Variants in KCNS3 observed in about 807,000 individuals in gnomAD.
KCNS3 encodes delayed-rectifier potassium channel regulatory subunit KCNS3.
Under a neutral mutation model 31.0 loss-of-function variants are expected in KCNS3, and 13 were observed. The observed-to-expected ratio is 0.42, with a 90% CI of 0.27 to 0.67. The LOEUF is 0.67. Ranked by LOEUF, KCNS3 falls within the 30% of genes least tolerant of loss-of-function variation. The pLI, the probability that KCNS3 is intolerant of heterozygous loss-of-function variation, is 0.25. For synonymous variants in KCNS3, 238 were observed against 241.5 expected (o/e 0.99, Z 0.13); for missense variants, 545 against 622.4 (o/e 0.88, Z 1.32).
intron 1 of KCNS3, among the ~76,000 whole-genome samples, chr2:17,888,665 AT>A (rs1661763567): frequency 7.3e-6 from 1 of 137,182 alleles, no homozygotes; most frequent in Non-Finnish European, 1.6e-5. Flanking sequence ...ATATATATAT[AT>A]ATATATAAAG....
intron 2 of KCNS3, among the ~76,000 whole-genome samples, chr2:17,923,889 A>G (rs1024200479): frequency 6.6e-6 from 1 of 151,928 alleles, no homozygotes; most frequent in African/African-American, 2.4e-5. Context: ...CAATTTGTCA[A>G]TTTCTGAAAA....
At chr2:17,920,055 G>A (rs1037188292) in intron 2 of KCNS3, among the ~76,000 whole-genome samples, 1 of 152,092 alleles carries the variant, frequency 6.6e-6, no homozygotes, top group Non-Finnish European at 1.5e-5. Flanking sequence ...AAATCAAAAT[G>A]AGCTTTCTTT....
intron 1 of KCNS3, among the ~76,000 whole-genome samples, chr2:17,882,803 G>T (rs754167761): frequency 6.6e-6 from 1 of 152,078 alleles, no homozygotes; most frequent in Non-Finnish European, 1.5e-5. Flanking sequence ...TTTCATCCCT[G>T]TTTTTCTTTA....
chr2:17,885,452 G>T (rs1335110577), intron 1 of KCNS3, among the ~76,000 whole-genome samples: 1 of 152,230 alleles, frequency 6.6e-6, no homozygotes, highest in Non-Finnish European at 1.5e-5. Flanking sequence ...TGTAGAAAGA[G>T]ATTTATTCTA....
At chr2:17,898,373 G>A (rs1049494418) in intron 1 of KCNS3, among the ~76,000 whole-genome samples, 2 of 150,972 alleles carry the variant, frequency 1.3e-5, no homozygotes, top group African/African-American at 4.9e-5. Flanking sequence ...GAATAGCATT[G>A]AATCTATCTG....
chr2:17,889,878 G>A (rs753403470), intron 1 of KCNS3, among the ~76,000 whole-genome samples: 28 of 152,094 alleles, frequency 1.8e-4, no homozygotes, highest in Non-Finnish European at 2.6e-4. Context: ...ATATCGGTCT[G>A]TAGTTTTCTT....
chr2:17,919,989 T>A (rs910132866), intron 2 of KCNS3, among the ~76,000 whole-genome samples: 1 of 152,168 alleles, frequency 6.6e-6, no homozygotes, highest in Non-Finnish European at 1.5e-5. Flanking sequence ...TTCCATTTTG[T>A]ATATCCCCAC....
intron 1 of KCNS3, among the ~76,000 whole-genome samples, chr2:17,891,476 G>A (rs1379668912): frequency 1.3e-5 from 2 of 152,072 alleles, no homozygotes; most frequent in East Asian, 3.9e-4. Flanking sequence ...TTTTTTGTTT[G>A]TTTGTTTGTT....
At chr2:17,915,040 C>A (rs995033186) in intron 1 of KCNS3, among the ~76,000 whole-genome samples, 2 of 152,190 alleles carry the variant, frequency 1.3e-5, no homozygotes, top group African/African-American at 4.8e-5. Flanking sequence ...CAATATGCCA[C>A]TTAGTCATTA....
At chr2:17,884,932 GTTTTTTT>G (rs55738585) in intron 1 of KCNS3, among the ~76,000 whole-genome samples, 1 of 128,004 alleles carries the variant, frequency 7.8e-6, no homozygotes, top group African/African-American at 2.9e-5. Context: ...CTTCCCTGTT[GTTTTTTT>G]TTTTTTTTTT....
intron 1 of KCNS3, among the ~76,000 whole-genome samples, chr2:17,916,753 C>T (rs1459955440): frequency 6.6e-6 from 1 of 151,790 alleles, no homozygotes; most frequent in African/African-American, 2.4e-5. Flanking sequence ...TTTATAATCC[C>T]AGTGCCTAAG....
intron 1 of KCNS3, among the ~76,000 whole-genome samples, chr2:17,892,405 TA>T (rs1661881701): frequency 6.6e-6 from 1 of 152,200 alleles, no homozygotes; most frequent in South Asian, 2.1e-4. Flanking sequence ...TTTAGCTTAA[TA>T]ACTAACTTCC....
intron 1 of KCNS3, among the ~76,000 whole-genome samples, chr2:17,904,842 A>G (rs985602179): frequency 2.0e-5 from 3 of 152,134 alleles, no homozygotes; most frequent in South Asian, 2.1e-4. Flanking sequence ...TACCAGTACC[A>G]TGCTGTTTTG....
In KCNS3 at chr2:17,896,974, T is replaced by TG. The variant is rs1662043539; in HGVS notation, c.-252+18169dup. On this transcript the variant is annotated intron_variant, in intron 1 of 2. Transcript: ENST00000304101. ...TTGCTTGATGCTGAGGTTTGGGGTA[T>TG]GATGGGACCAGTTACCCAGGTAGTG... 2.6e-5 allele frequency among the ~76,000 whole-genome samples: 4 copies of TG among 152,304 alleles called. No homozygotes were observed. In the South Asian group the frequency reaches 8.3e-4, roughly 32 times the overall value.
chr2:17,932,351 T>G lies in KCNS3; in HGVS notation c.1343T>G (p.Met448Arg). 1 of 1,614,126 alleles carries G rather than the reference T, an allele frequency of 6.2e-7. No homozygotes were observed. The highest frequency in any genetic ancestry group is 8.5e-7 in the Non-Finnish European group (1 of 1,179,994). ...FNIRDIYAQR[M>R]HTFITSLSSV... ...ATTAGGGATATATATGCACAGCGGA[T>G]GCACACCTTCATTACCAGTCTCTCT... Residue 448 changes from methionine to arginine, a missense_variant, in exon 3 of 3, where the codon ATG becomes AGG. By Grantham distance (91) the Met-to-Arg change is moderately conservative (BLOSUM62 -1). Coordinates refer to ENST00000304101, the MANE Select transcript of KCNS3 (RefSeq NM_002252.5).
At chr2:17,907,001 T>A (rs2125243287) in intron 1 of KCNS3, among the ~76,000 whole-genome samples, 1 of 152,338 alleles carries the variant, frequency 6.6e-6, no homozygotes, top group African/African-American at 2.4e-5. Flanking sequence ...TGAGTTCAAT[T>A]CCTGGATATC....
Position 17,932,229 on chromosome 2 carries a change from C to T in KCNS3, c.1221C>T (p.Asn407=), listed in dbSNP as rs952440137. ...VVALPITIIF[N]KFSKYYQKQK... ...CCCTTCCCATCACCATCATCTTCAACAAGTTTTCCAAGTACTACCAGAAGC... is the reference window on the plus strand; with the variant it reads ...CCCTTCCCATCACCATCATCTTCAATAAGTTTTCCAAGTACTACCAGAAGC... Residue 407 remains asparagine, a synonymous_variant, in exon 3 of 3, where the codon AAC becomes AAT. Transcript: ENST00000304101. The T allele has an allele frequency of 6.2e-7, 1 of 1,614,032 alleles. No homozygotes were observed. The highest frequency in any genetic ancestry group is 1.3e-5 in the African/African-American group (1 of 75,046).
chr2:17,920,184 G>T (rs1662678753), intron 2 of KCNS3, among the ~76,000 whole-genome samples: 1 of 152,064 alleles, frequency 6.6e-6, no homozygotes, highest in Non-Finnish European at 1.5e-5. Context: ...TAGATTTTTG[G>T]ACATCTACAA....
In KCNS3 at chr2:17,898,857, G is replaced by C. The variant is rs143472254; in HGVS notation, c.-251-18823G>C. Among the ~76,000 whole-genome samples the C allele has an allele frequency of 2.4e-3, 359 of 152,250 alleles. 2 individuals are homozygous for C. The highest frequency in any genetic ancestry group is 8.3e-3 in the African/African-American group (343 of 41,536). ...AGTGGGTCAAATTAGCATCAAATAG[G>C]TGGCAGCATTTCCTGTGTACTTTCA... is the stretch of plus-strand genomic sequence containing the variant. On this transcript the variant is annotated intron_variant, in intron 1 of 2. Transcript: ENST00000304101.
Sources: gnomAD v4.1 joint callset for allele counts (sites outside exome capture counted in the v4.1 genomes callset) on GRCh38, gnomAD v4.1.1 for gene constraint, MANE v1.5 for transcripts, NCBI Gene and HGNC (gene_info 2026-07-23, HGNC 2026-07-21) for gene names.